The following GLIS1 variants were observed in gnomAD, a reference collection of about 807,000 sequenced individuals.
GLIS1 encodes the protein GLIS family zinc finger 1, also known as zinc finger protein GLIS1.
A neutral mutation model predicts 63.8 loss-of-function variants in GLIS1; 24 were observed. That is an observed-to-expected ratio of 0.38 (90% CI 0.27 to 0.53). GLIS1 has a LOEUF of 0.53. Ranked by LOEUF, GLIS1 falls within the 20% of genes least tolerant of loss-of-function variation. GLIS1 has a pLI of 0.85. For synonymous variants in GLIS1, 450 were observed against 482.5 expected, an observed-to-expected ratio of 0.93 and a Z score of 0.88; for missense variants, 1,036 against 1,074.1, an observed-to-expected ratio of 0.96 and a Z score of 0.50.
chr1:53,732,592 G>T (rs1266195733), intron 2 of GLIS1, among the ~76,000 whole-genome samples: 1 of 151,952 alleles, frequency 6.6e-6, no homozygotes, highest in African/African-American at 2.4e-5. Context: ...TATTTCAGGA[G>T]TTTGGTCTTT....
rs1333721017 is a variant in GLIS1, at chr1:53,511,633, T to TA, written c.1884-1607dup. Among the ~76,000 whole-genome samples, 1 of 152,244 alleles carries TA rather than the reference T, an allele frequency of 6.6e-6. No individual in the cohort carries two copies. The highest frequency in any genetic ancestry group is 1.5e-5 in the Non-Finnish European group (1 of 68,044). On this transcript the variant is annotated intron_variant, in intron 8 of 10. Coordinates refer to ENST00000628545, the MANE Select transcript of GLIS1 (RefSeq NM_001367484.1). The surrounding 1 kb of genome is among the most constrained non-coding windows in gnomAD (Gnocchi z 4.2). ...CGAATCCTCATCACACCTCCAGGAA[T>TA]AAATTATCATTATCATCATCATTAT...
rs373147692 is a variant in GLIS1 at position 53,703,051 on chromosome 1, G to A, written c.259+34755C>T. ...TCTCTGCTCTGCCACTCGCCAGCAT[G>A]GGCAAGTGGCTTCAGCTCCTTGAGC... On this transcript the variant is annotated intron_variant, in intron 2 of 10. Coordinates refer to ENST00000628545, the MANE Select transcript of GLIS1 (RefSeq NM_001367484.1). Among the ~76,000 whole-genome samples, 14 of 152,232 alleles carry A rather than the reference G, an allele frequency of 9.2e-5. No homozygotes were observed. In the East Asian group the frequency reaches 1.7e-3, roughly 19 times the overall value.
rs191446438 is a variant in GLIS1, at chr1:53,541,335, T to C, written c.1321-11383A>G. ...TTTTAAATTGGTCTGGCCTGCCACCTGGGGCCAGTGGTATCAATAGGCCAG... is the reference window on the plus strand; with the variant it reads ...TTTTAAATTGGTCTGGCCTGCCACCCGGGGCCAGTGGTATCAATAGGCCAG... On this transcript the variant is annotated intron_variant, in intron 4 of 10. Transcript: ENST00000628545. Among the ~76,000 whole-genome samples, 338 of 152,330 alleles carry C rather than the reference T, an allele frequency of 2.2e-3. 2 individuals are homozygous for C. Among genetic ancestry groups the C allele is most frequent in the Admixed American group, 4.6e-3 (71 of 15,304 alleles).
chr1:53,606,518 A>G (rs886687478), intron 2 of GLIS1, among the ~76,000 whole-genome samples: 4 of 152,066 alleles, frequency 2.6e-5, no homozygotes, highest in African/African-American at 9.7e-5. Flanking sequence ...GACACACAGC[A>G]GAGACAGAGC....
rs888077327 is a variant in GLIS1 at position 53,705,207 on chromosome 1, A to G, written c.259+32599T>C. Among the ~76,000 whole-genome samples, 11 of 152,182 alleles carry G rather than the reference A, an allele frequency of 7.2e-5. No individual in the cohort carries two copies. In the South Asian group the frequency reaches 2.3e-3, roughly 31 times the overall value. ...TTGACTCCCACAGCTACTATGTATC[A>G]TACAATGACACTGAGCCCTGGGAGG... On this transcript the variant is annotated intron_variant, in intron 2 of 10. Transcript: ENST00000628545.
chr1:53,561,111 G>A (rs185226328), intron 4 of GLIS1, among the ~76,000 whole-genome samples: 1 of 152,268 alleles, frequency 6.6e-6, no homozygotes, highest in East Asian at 1.9e-4. Context: ...CACAGGCAGA[G>A]TGTCCACTAC....
intron 2 of GLIS1, among the ~76,000 whole-genome samples, chr1:53,629,747 A>G (rs1388563252): frequency 6.6e-6 from 1 of 152,180 alleles, no homozygotes; most frequent in Non-Finnish European, 1.5e-5. Flanking sequence ...TTCTCAGCAC[A>G]CACACTGCCT....
chr1:53,637,871 G>A (rs964565890), intron 2 of GLIS1, among the ~76,000 whole-genome samples: 5 of 152,214 alleles, frequency 3.3e-5, no homozygotes, highest in African/African-American at 9.6e-5. Context: ...GGGGAGAGAA[G>A]CGTGTTCCTG....
chr1:53,523,814 TG>T (rs1433442654), intron 6 of GLIS1, among the ~76,000 whole-genome samples: 1 of 152,116 alleles, frequency 6.6e-6, no homozygotes, highest in Non-Finnish European at 1.5e-5. Context: ...CCTCTCAAGG[TG>T]CCATGTCCCT....
intron 7 of GLIS1, among the ~76,000 whole-genome samples, chr1:53,518,192 C>G (rs965369215): frequency 2.6e-5 from 4 of 152,170 alleles, no homozygotes; most frequent in Admixed American, 1.3e-4. Context: ...GGAAGCAGCT[C>G]GAGGACAGGG....
At chr1:53,556,375 G>C (rs545337093) in intron 4 of GLIS1, among the ~76,000 whole-genome samples, 1 of 145,982 alleles carries the variant, frequency 6.9e-6, no homozygotes, top group Non-Finnish European at 1.5e-5. Context: ...ATGTGTCTGT[G>C]CAGGTGTACT....
At chr1:53,726,838 T>G (rs1646810492) in intron 2 of GLIS1, among the ~76,000 whole-genome samples, 1 of 152,080 alleles carries the variant, frequency 6.6e-6, no homozygotes, top group Admixed American at 6.6e-5. Flanking sequence ...AAAAAAGAAT[T>G]AAAAAGCAGA....
chr1:53,717,237 A>G (rs1478580387), intron 2 of GLIS1, among the ~76,000 whole-genome samples: 3 of 152,204 alleles, frequency 2.0e-5, no homozygotes, highest in Admixed American at 6.5e-5. Context: ...GGGCATAATA[A>G]TAATCTCTAT....
At chr1:53,707,867 T>G (rs1417414560) in intron 2 of GLIS1, among the ~76,000 whole-genome samples, 1 of 151,848 alleles carries the variant, frequency 6.6e-6, no homozygotes, top group Non-Finnish European at 1.5e-5. Context: ...TGTATCATCT[T>G]AAATGAGATA....
chr1:53,523,340 C>G (rs1644430827), intron 6 of GLIS1, among the ~76,000 whole-genome samples: 1 of 152,110 alleles, frequency 6.6e-6, no homozygotes, highest in African/African-American at 2.4e-5. Flanking sequence ...CGGTCCCCTC[C>G]CATCTTCTTT....
At chr1:53,697,262 C>G (rs1401520833) in intron 2 of GLIS1, among the ~76,000 whole-genome samples, 1 of 152,202 alleles carries the variant, frequency 6.6e-6, no homozygotes, top group Admixed American at 6.5e-5. Flanking sequence ...GCCCAAAATC[C>G]TTCAGAGACT....
rs780869740 is a variant in GLIS1, at chr1:53,520,727, C to G, written c.1633G>C (p.Glu545Gln). 1 of 1,606,788 alleles carries G rather than the reference C, an allele frequency of 6.2e-7. No homozygotes were observed. Among genetic ancestry groups the G allele is most frequent in the Non-Finnish European group, 8.5e-7 (1 of 1,177,300 alleles). Residue 545 changes from glutamate to glutamine, a missense_variant, in exon 7 of 11, where the codon GAG becomes CAG. Transcript: ENST00000628545. ...GPDTEADVLT[E>Q]CLVLQQLHTS... ...TGGAGCTGCTGCAGGACCAGACACT[C>G]GGTCAGGACGTCGGCCTCGGTGTCA...
chr1:53,524,185 C>A (rs1007248376), intron 6 of GLIS1, among the ~76,000 whole-genome samples: 1 of 152,238 alleles, frequency 6.6e-6, no homozygotes, highest in Non-Finnish European at 1.5e-5. Context: ...AAGGCACGTA[C>A]GTGCCTGGGT....
At chr1:53,707,832 C>A (rs1344718301) in intron 2 of GLIS1, among the ~76,000 whole-genome samples, 2 of 151,610 alleles carry the variant, frequency 1.3e-5, no homozygotes, top group Non-Finnish European at 2.9e-5. Context: ...GGATTACAGG[C>A]GTGAGCCACC....
Sources: allele counts gnomAD v4.1 joint callset (sites outside exome capture counted in the v4.1 genomes callset), GRCh38; gene constraint gnomAD v4.1.1; non-coding constraint Gnocchi (gnomAD v3.1); transcripts MANE v1.5; gene names NCBI Gene and HGNC (gene_info 2026-07-23, HGNC 2026-07-21).